Variants in REEP1 observed in about 807,000 individuals in gnomAD.
The protein encoded by REEP1 is receptor accessory protein 1.
REEP1 carries 22 observed loss-of-function variants against 40.3 expected under a neutral mutation model. That is an observed-to-expected ratio of 0.55 (90% confidence interval 0.39 to 0.78). REEP1 has a LOEUF of 0.78. REEP1 is among the 30% of genes least tolerant of loss of function. REEP1 has a pLI of 0.00. For missense variants in REEP1, 280 were observed against 361.1 expected, an observed-to-expected ratio of 0.78 and a Z score of 1.82; for synonymous variants, 116 against 139.2, an observed-to-expected ratio of 0.83 and a Z score of 1.17.
intron 5 of REEP1, among the ~76,000 whole-genome samples, chr2:86,235,376 G>A (rs563591149): frequency 3.9e-5 from 6 of 152,268 alleles, no homozygotes; most frequent in African/African-American, 1.4e-4. Flanking sequence ...ATGGCCGGCT[G>A]CTCGTGCGGA....
At chr2:86,256,793 A>G (rs1487884906) in intron 3 of REEP1, among the ~76,000 whole-genome samples, 1 of 152,162 alleles carries the variant, frequency 6.6e-6, no homozygotes. Context: ...AACAAATCCC[A>G]GGTATCCTTA....
chr2:86,305,279 G>C (rs1308333352), intron 1 of REEP1, among the ~76,000 whole-genome samples: 1 of 152,128 alleles, frequency 6.6e-6, no homozygotes, highest in Non-Finnish European at 1.5e-5. Flanking sequence ...GCAGGCTTCT[G>C]TTACTTGCAT....
At chr2:86,226,463 C>CTT (rs199717514) in intron 7 of REEP1, among the ~76,000 whole-genome samples, 9 of 28,956 alleles carry the variant, frequency 3.1e-4, no homozygotes, top group South Asian at 1.7e-3. Context: ...GTGGCTTTTT[C>CTT]TTTTCTTTTT....
At position 86,215,663 on chromosome 2, in the gene REEP1, C is replaced by A. The variant is rs1344809568; in HGVS notation, c.*1376G>T. The stretch of plus-strand genomic sequence containing the variant: ...CAGCTCTCAGTGGGGAGAGCAGCTA[C>A]CTCGGACCACAATGCCATTTAAACC... On this transcript the variant is annotated 3_prime_UTR_variant, in exon 9 of 9. Transcript: ENST00000538924. The A allele has an allele frequency of 6.6e-6, 1 of 152,584 alleles. No individual in the cohort carries two copies. The highest frequency in any genetic ancestry group is 2.4e-5 in the African/African-American group (1 of 41,438). 9.5% of individuals were successfully genotyped at this position (152,584 alleles called of 1,614,324 possible). A position where few individuals can be genotyped will look rare whatever the true frequency, so the allele number is the denominator to read the frequency against.
intron 5 of REEP1, among the ~76,000 whole-genome samples, chr2:86,242,292 C>G (rs1255893333): frequency 6.6e-6 from 1 of 152,186 alleles, no homozygotes; most frequent in Non-Finnish European, 1.5e-5. Context: ...ATCTCCAAAG[C>G]CCAACTTTGG....
intron 1 of REEP1, among the ~76,000 whole-genome samples, chr2:86,316,835 G>A (rs1680037784): frequency 6.6e-6 from 1 of 152,140 alleles, no homozygotes; most frequent in Admixed American, 6.5e-5. Context: ...CTCCAGCCTG[G>A]GGGACAAGAG....
chr2:86,236,753 T>C (rs867354570), intron 5 of REEP1, among the ~76,000 whole-genome samples: 8 of 148,396 alleles, frequency 5.4e-5, no homozygotes, highest in South Asian at 2.2e-4. Context: ...TTTTTTTTTT[T>C]CGAGATGGAG....
intron 3 of REEP1, among the ~76,000 whole-genome samples, chr2:86,261,502 T>C (rs773095569): frequency 5.3e-5 from 8 of 152,200 alleles, no homozygotes; most frequent in Non-Finnish European, 1.2e-4. Flanking sequence ...CTGTGCAAGA[T>C]CTGCTTTGTT....
At chr2:86,324,904 G>C (rs956995925) in intron 1 of REEP1, among the ~76,000 whole-genome samples, 1 of 152,286 alleles carries the variant, frequency 6.6e-6, no homozygotes, top group Middle Eastern at 3.4e-3. Context: ...TGCTTGATAA[G>C]TACATTATGG....
Position 86,300,110 on chromosome 2 carries a change from C to T in REEP1, c.33-17868G>A, listed in dbSNP as rs531516042. ...GTTCTGGACTGTTTGAACCTCTGCA[C>T]ATACAGGAACTTGCTATCATCCCAC... On this transcript the variant is annotated intron_variant, in intron 1 of 8. Coordinates refer to ENST00000538924, the MANE Select transcript of REEP1 (RefSeq NM_001371279.1). Among the ~76,000 whole-genome samples the T allele has an allele frequency of 6.6e-5, 10 of 152,332 alleles. No individual in the cohort carries two copies. The South Asian group carries it at 2.1e-3, about 32-fold the overall frequency.
At chr2:86,262,818 A>G (rs2104296938) in intron 3 of REEP1, among the ~76,000 whole-genome samples, 1 of 152,378 alleles carries the variant, frequency 6.6e-6, no homozygotes, top group East Asian at 1.9e-4. Flanking sequence ...CACTACTTTT[A>G]ATACACATTC....
chr2:86,337,983 T>C, upstream of REEP1: 1 of 1,513,780 alleles, frequency 6.6e-7, no homozygotes, highest in Non-Finnish European at 8.9e-7. This position sits in a 1 kb window ranked among gnomAD's most constrained non-coding sequence, Gnocchi z 5.8. Context: ...GATGCTGTCA[T>C]CCCTCATTCA....
chr2:86,334,357 C>T (rs139149471), intron 1 of REEP1, among the ~76,000 whole-genome samples: 7 of 152,240 alleles, frequency 4.6e-5, no homozygotes, highest in Non-Finnish European at 1.0e-4. Flanking sequence ...GTGACAGAGG[C>T]TTACAAAACC....
chr2:86,275,677 C>G lies in REEP1; in HGVS notation c.105+6493G>C, dbSNP rs547276605. ...AAACCACAATGAAGGCCACTGCCCACGTTTCCCACTCTCCGTCAGCCTCCT... is the reference window on the plus strand; with the variant it reads ...AAACCACAATGAAGGCCACTGCCCAGGTTTCCCACTCTCCGTCAGCCTCCT... On this transcript the variant is annotated intron_variant, in intron 2 of 8. Coordinates refer to ENST00000538924, the MANE Select transcript of REEP1 (RefSeq NM_001371279.1). Among the ~76,000 whole-genome samples, 3 of 152,350 alleles carry G rather than the reference C, an allele frequency of 2.0e-5. No homozygotes were observed. In the South Asian group the frequency reaches 6.2e-4, roughly 32 times the overall value.
chr2:86,234,410 C>T (rs1038608688), intron 5 of REEP1, among the ~76,000 whole-genome samples: 10 of 152,006 alleles, frequency 6.6e-5, no homozygotes, highest in African/African-American at 2.2e-4. Context: ...TCCGGCTACT[C>T]GGGACACTGA....
At position 86,256,182 on chromosome 2, in the gene REEP1, A is replaced by C. The variant is rs374657947; in HGVS notation, c.183-1368T>G. Among the ~76,000 whole-genome samples, 1,333 of 152,036 alleles carry C rather than the reference A, an allele frequency of 8.8e-3. 25 individuals are homozygous for C. The highest frequency in any genetic ancestry group is 0.031 in the African/African-American group (1,287 of 41,450). On this transcript the variant is annotated intron_variant, in intron 3 of 8. Coordinates refer to ENST00000538924, the MANE Select transcript of REEP1 (RefSeq NM_001371279.1). ...ACCAATATGGTGAAACTCCGTCTCT[A>C]CTAAAAAATACAAAAATTAGCTGGG...
chr2:86,220,364 A>C (rs1433880291), intron 7 of REEP1, among the ~76,000 whole-genome samples: 1 of 152,190 alleles, frequency 6.6e-6, no homozygotes, highest in Non-Finnish European at 1.5e-5. Context: ...CCACAGACTC[A>C]GAATCTACTG....
At chr2:86,337,829 G>A (rs1270147799), upstream of REEP1, among the ~76,000 whole-genome samples, 1 of 151,874 alleles carries the variant, frequency 6.6e-6, no homozygotes, top group African/African-American at 2.4e-5. The surrounding 1 kb of genome is among the most constrained non-coding windows in gnomAD (Gnocchi z 5.8). Context: ...CGCGCTCCCC[G>A]GGGCACCGGC....
Position 86,256,184 on chromosome 2 carries a change from TA to T in REEP1, c.183-1371del, listed in dbSNP as rs374154329. 8.8e-3 allele frequency among the ~76,000 whole-genome samples: 1,334 copies of T among 151,708 alleles called. 25 individuals carry two copies. Among genetic ancestry groups the T allele is most frequent in the African/African-American group, 0.031 (1,288 of 41,356 alleles). ...CAATATGGTGAAACTCCGTCTCTAC[TA>T]AAAAATACAAAAATTAGCTGGGCAT... On this transcript the variant is annotated intron_variant, in intron 3 of 8. Coordinates refer to ENST00000538924, the MANE Select transcript of REEP1 (RefSeq NM_001371279.1).
Sources: gnomAD v4.1 joint callset for allele counts (sites outside exome capture counted in the v4.1 genomes callset) on GRCh38, gnomAD v4.1.1 for gene constraint, Gnocchi (gnomAD v3.1) non-coding constraint, MANE v1.5 for transcripts, NCBI Gene and HGNC (gene_info 2026-07-23, HGNC 2026-07-21) for gene names.